Variants in ZMAT4 observed in about 807,000 individuals in gnomAD.
ZMAT4 encodes zinc finger matrin-type protein 4.
In ZMAT4, 17 loss-of-function variants were observed where a neutral mutation model predicts 28.7. The observed-to-expected ratio is 0.59, with a 90% CI of 0.41 to 0.89. The LOEUF is 0.89. Ranked by LOEUF, ZMAT4 falls within the 40% of genes least tolerant of loss-of-function variation. The probability of loss-of-function intolerance (pLI) is 0.00; values close to 1 mark genes in which losing one functional copy is unlikely to be tolerated. For synonymous variants in ZMAT4, 117 were observed against 109.2 expected, an observed-to-expected ratio of 1.07 and a Z score of -0.44; for missense variants, 240 against 283.8, an observed-to-expected ratio of 0.85 and a Z score of 1.11.
intron 5 of ZMAT4, among the ~76,000 whole-genome samples, chr8:40,674,104 T>A (rs1432247208): frequency 1.1e-4 from 10 of 87,316 alleles, no homozygotes; most frequent in Non-Finnish European, 1.8e-4. Flanking sequence ...TTTTTTTTTT[T>A]AAATTTTTGA....
At chr8:40,692,952 C>A (rs1368599684) in intron 4 of ZMAT4, among the ~76,000 whole-genome samples, 1 of 152,134 alleles carries the variant, frequency 6.6e-6, no homozygotes, top group Non-Finnish European at 1.5e-5. Flanking sequence ...CAGCAGTTAA[C>A]TGGAGTTTGC....
At chr8:40,592,870 A>T (rs1309509342) in intron 5 of ZMAT4, among the ~76,000 whole-genome samples, 1 of 152,238 alleles carries the variant, frequency 6.6e-6, no homozygotes, top group Non-Finnish European at 1.5e-5. Context: ...GGACGTGGTC[A>T]CTATGGCAAA....
intron 1 of ZMAT4, among the ~76,000 whole-genome samples, chr8:40,834,492 A>G (rs538455160): frequency 6.6e-6 from 1 of 152,168 alleles, no homozygotes; most frequent in South Asian, 2.1e-4. Context: ...AGTCCTGGAC[A>G]TACAACATCA....
intron 1 of ZMAT4, among the ~76,000 whole-genome samples, chr8:40,859,521 AG>A (rs2150643132): frequency 6.6e-6 from 1 of 152,262 alleles, no homozygotes; most frequent in South Asian, 2.1e-4. Flanking sequence ...TTATCGGACA[AG>A]GGGAATTACA....
intron 4 of ZMAT4, among the ~76,000 whole-genome samples, chr8:40,688,185 C>T (rs762936606): frequency 1.3e-5 from 2 of 152,126 alleles, no homozygotes; most frequent in Admixed American, 6.5e-5. Context: ...GGCCGGGGGG[C>T]GGTGGCTCAT....
At position 40,825,617 on chromosome 8, in the gene ZMAT4, A is replaced by G. The variant is rs1051045664; in HGVS notation, c.60T>C (p.Ser20=). The G allele has an allele frequency of 1.9e-6, 3 of 1,555,036 alleles. No homozygotes were observed. The highest frequency in any genetic ancestry group is 1.4e-5 in the African/African-American group (1 of 73,506). Reference sequence around the variant, plus strand: ...GCTGCGATTCGGAGATCAGCTGTGCACTGCACACCTTGCAGTAACTGTCTG... The same window carrying G: ...GCTGCGATTCGGAGATCAGCTGTGCGCTGCACACCTTGCAGTAACTGTCTG... ...LFTDSYCKVC[S]AQLISESQRV... Residue 20 remains serine, a synonymous_variant, in exon 2 of 7, where the codon AGT becomes AGC. Coordinates refer to ENST00000297737, the MANE Select transcript of ZMAT4 (RefSeq NM_024645.3).
At chr8:40,896,973 CTTTTTTTT>C (rs34824153) in intron 1 of ZMAT4, among the ~76,000 whole-genome samples, 1 of 139,272 alleles carries the variant, frequency 7.2e-6, no homozygotes, top group Non-Finnish European at 1.6e-5. Context: ...TTGGCTTTTT[CTTTTTTTT>C]TTTTTTTCAG....
At chr8:40,721,146 A>C (rs1327717505) in intron 3 of ZMAT4, among the ~76,000 whole-genome samples, 1 of 125,466 alleles carries the variant, frequency 8.0e-6, no homozygotes, top group South Asian at 2.9e-4. Flanking sequence ...ACCCCACCAC[A>C]GTCCCTAGAG....
chr8:40,801,356 A>ATATATATATATATG (rs1814835254), intron 2 of ZMAT4, among the ~76,000 whole-genome samples: 1 of 139,676 alleles, frequency 7.2e-6, no homozygotes, highest in African/African-American at 2.7e-5. Context: ...AAAAAAATAT[A>ATATATATATATATG]TATATATATA....
At chr8:40,855,491 T>C (rs933705795) in intron 1 of ZMAT4, among the ~76,000 whole-genome samples, 2 of 152,044 alleles carry the variant, frequency 1.3e-5, no homozygotes, top group African/African-American at 2.4e-5. Flanking sequence ...AACCAAAGTG[T>C]TCCACTAGGT....
chr8:40,689,014 AG>A (rs1013726023), intron 4 of ZMAT4, among the ~76,000 whole-genome samples: 4 of 152,212 alleles, frequency 2.6e-5, no homozygotes, highest in Non-Finnish European at 5.9e-5. Flanking sequence ...CTAGGAAAAA[AG>A]GGAGTTGTAA....
intron 2 of ZMAT4, among the ~76,000 whole-genome samples, chr8:40,784,683 T>G (rs770145457): frequency 6.6e-6 from 1 of 152,124 alleles, no homozygotes; most frequent in Non-Finnish European, 1.5e-5. Flanking sequence ...TTCCATCAGT[T>G]TGATGGACGT....
At chr8:40,716,452 G>A (rs1810858904) in intron 3 of ZMAT4, among the ~76,000 whole-genome samples, 1 of 152,158 alleles carries the variant, frequency 6.6e-6, no homozygotes, top group South Asian at 2.1e-4. Flanking sequence ...AGCAATTTGG[G>A]AGGCCGAGGC....
intron 4 of ZMAT4, among the ~76,000 whole-genome samples, chr8:40,682,555 C>T (rs1200919568): frequency 2.0e-5 from 3 of 152,196 alleles, no homozygotes; most frequent in African/African-American, 7.2e-5. Context: ...GAAAAATCCA[C>T]ATGCTATTTA....
At chr8:40,873,120 C>A (rs566564098) in intron 1 of ZMAT4, among the ~76,000 whole-genome samples, 1 of 152,292 alleles carries the variant, frequency 6.6e-6, no homozygotes, top group East Asian at 1.9e-4. Flanking sequence ...GGGGCAACTG[C>A]AGCTTTGAGG....
intron 3 of ZMAT4, among the ~76,000 whole-genome samples, chr8:40,714,371 T>G (rs1337892495): frequency 6.6e-6 from 1 of 152,214 alleles, no homozygotes; most frequent in Non-Finnish European, 1.5e-5. Context: ...AACAAACTGT[T>G]GTGTATTCAT....
At chr8:40,672,839 G>A (rs1228990981) in intron 5 of ZMAT4, among the ~76,000 whole-genome samples, 2 of 152,140 alleles carry the variant, frequency 1.3e-5, no homozygotes, top group East Asian at 1.9e-4. Flanking sequence ...ACAAGACATA[G>A]ACTGAAAACA....
At chr8:40,550,328 G>A (rs1461919404) in intron 6 of ZMAT4, among the ~76,000 whole-genome samples, 1 of 152,080 alleles carries the variant, frequency 6.6e-6, no homozygotes, top group East Asian at 1.9e-4. Context: ...TTAGAATAGT[G>A]GTCTAACAGC....
intron 6 of ZMAT4, among the ~76,000 whole-genome samples, chr8:40,573,248 C>T (rs997827293): frequency 1.3e-5 from 2 of 152,096 alleles, no homozygotes; most frequent in African/African-American, 4.8e-5. Flanking sequence ...GGGTAGTTTA[C>T]AGCAGAAATT....
Sources: allele counts gnomAD v4.1 joint callset (sites outside exome capture counted in the v4.1 genomes callset), GRCh38; gene constraint gnomAD v4.1.1; transcripts MANE v1.5; gene names NCBI Gene and HGNC (gene_info 2026-07-23, HGNC 2026-07-21).